Variants in EIF3L observed in about 807,000 individuals in gnomAD.
The protein encoded by EIF3L is eukaryotic translation initiation factor 3 subunit L, also known as eIEF associated protein HSPC021.
EIF3L carries 32 observed loss-of-function variants against 74.6 expected under a neutral mutation model. That is an observed-to-expected ratio of 0.43 (90% CI 0.32 to 0.58). The LOEUF (loss-of-function observed/expected upper bound fraction) is 0.58, where lower values mean the gene tolerates loss of function less well. Ranked by LOEUF, EIF3L falls within the 20% of genes least tolerant of loss-of-function variation. The pLI is 0.06. For synonymous variants in EIF3L, 256 were observed against 254.4 expected (o/e 1.01, Z -0.06); for missense variants, 474 against 707.8 (o/e 0.67, Z 3.75).
intron 11 of EIF3L, chr22:37,885,424 G>C (rs764477607): frequency 2.0e-5 from 3 of 149,942 alleles, no homozygotes; most frequent in Non-Finnish European, 4.4e-5. Context: ...TGCTGGTTCA[G>C]GTTTGTCTTT....
At chr22:37,859,374 CTT>C (rs34020382) in intron 5 of EIF3L, among the ~76,000 whole-genome samples, 19,804 of 78,264 alleles carry the variant, frequency 0.25, 1,939 homozygotes, top group East Asian at 0.51. Context: ...CGTGAAGTTT[CTT>C]TTTTTTTTTT....
rs1463765686 is a variant in EIF3L, at chr22:37,888,447, A to T, written c.1678A>T (p.Met560Leu). 1.2e-6 allele frequency: 2 copies of T among 1,613,834 alleles called. No homozygotes were observed. The highest frequency in any genetic ancestry group is 1.1e-5 in the South Asian group (1 of 91,046). The change falls in exon 13 of 13, where the codon ATG (methionine) becomes TTG (leucine). Residue 560 changes from methionine to leucine, a missense_variant. Met to Leu is a conservative substitution (Grantham distance 15). Transcript: ENST00000652021. ...FEELNRTLKK[M>L]GQRP ...CTAGCTTAATCGAACCCTGAAGAAG[A>T]TGGGACAGAGACCTTGATGATATTC... is the stretch of plus-strand genomic sequence containing the variant.
chr22:37,857,543 T>G (rs569154543), intron 4 of EIF3L, among the ~76,000 whole-genome samples: 2 of 152,042 alleles, frequency 1.3e-5, no homozygotes, highest in East Asian at 3.9e-4. Flanking sequence ...AACTCCTTTT[T>G]TTTTTCCCCC....
chr22:37,853,299 GGGA>G (rs1925328959), intron 3 of EIF3L, among the ~76,000 whole-genome samples: 1 of 152,234 alleles, frequency 6.6e-6, no homozygotes, highest in East Asian at 1.9e-4. Context: ...GAAGAAGAGA[GGGA>G]GGCAAGTTTG....
In EIF3L at chr22:37,849,627, C is replaced by G. The variant is rs1037690927; in HGVS notation, c.33+145C>G. Reference sequence around the variant, plus strand: ...CGGCCCTCAGGCTGCTCCCACAGTTCCCGGTCCCTAGACAACCCTGGCTCT... The same window carrying G: ...CGGCCCTCAGGCTGCTCCCACAGTTGCCGGTCCCTAGACAACCCTGGCTCT... On this transcript the variant is annotated intron_variant, in intron 1 of 12. Coordinates refer to ENST00000652021, the MANE Select transcript of EIF3L (RefSeq NM_016091.4). 5.4e-6 allele frequency: 5 copies of G among 917,722 alleles called. No homozygotes were observed. The African/African-American group carries it at 6.7e-5, about 12-fold the overall frequency. The allele number at this position is 917,722 out of a possible 1,614,324, so 56.8% of individuals were successfully genotyped here.
At chr22:37,854,063 G>A (rs915823350) in intron 3 of EIF3L, among the ~76,000 whole-genome samples, 1 of 152,216 alleles carries the variant, frequency 6.6e-6, no homozygotes, top group Non-Finnish European at 1.5e-5. Context: ...CAAGCATCTT[G>A]TAAGTCTTTC....
At chr22:37,860,454 A>G (rs1044291190) in intron 5 of EIF3L, among the ~76,000 whole-genome samples, 1 of 152,120 alleles carries the variant, frequency 6.6e-6, no homozygotes, top group Non-Finnish European at 1.5e-5. Context: ...TCCTGGGCTC[A>G]AGCAATTCTC....
At chr22:37,857,696 C>A (rs779100814) in intron 4 of EIF3L, among the ~76,000 whole-genome samples, 1 of 151,766 alleles carries the variant, frequency 6.6e-6, no homozygotes, top group African/African-American at 2.4e-5. Flanking sequence ...AGGCACCTGG[C>A]GGATTTTTTG....
chr22:37,873,938 C>A (rs949418341), intron 8 of EIF3L, among the ~76,000 whole-genome samples: 2 of 152,150 alleles, frequency 1.3e-5, no homozygotes, highest in Non-Finnish European at 2.9e-5. Context: ...GTGTCGTTGC[C>A]TGATTTATGC....
chr22:37,875,943 G>T lies in EIF3L; in HGVS notation c.1009G>T (p.Ala337Ser), dbSNP rs1453440089. The change falls in exon 10 of 13, where the codon GCC (alanine) becomes TCC (serine). Residue 337 changes from alanine (A) to serine (S), a missense_variant. Around this residue, in one of 4 missense-constraint regions of EIF3L, gnomAD observed 293 missense variants for 469.1 expected, o/e 0.62. Transcript: ENST00000652021. ...TTACCAGGATGCCATCCGGGTCTTC[G>T]CCAACATCCTCCTCTACATCCAGAG... Reference protein sequence around the residue: ...RRYQDAIRVFANILLYIQRTK... With the variant: ...RRYQDAIRVFSNILLYIQRTK... 1 of 1,613,846 alleles carries T rather than the reference G, an allele frequency of 6.2e-7. No homozygotes were observed. The highest frequency in any genetic ancestry group is 8.5e-7 in the Non-Finnish European group (1 of 1,179,998).
At position 37,875,843 on chromosome 22, in the gene EIF3L, T is replaced by C. The variant is rs573366590; in HGVS notation, c.909T>C (p.Ser303=). ...GTTTGTTCTACCTCCTTCTACAGAG[T>C]ATGTATTCCCGTGTGCCAGAGTGCC... ...VLENIELNKK[S]MYSRVPECQV... is the part of the protein sequence containing the mutation. Residue 303 remains serine (S), a splice_region_variant and synonymous_variant, in exon 10 of 13, where the codon AGT becomes AGC. Coordinates refer to ENST00000652021, the MANE Select transcript of EIF3L (RefSeq NM_016091.4). The C allele has an allele frequency of 1.2e-6, 2 of 1,612,804 alleles. No individual in the cohort carries two copies. Among genetic ancestry groups the C allele is most frequent in the Non-Finnish European group, 1.7e-6 (2 of 1,179,264 alleles).
Position 37,868,634 on chromosome 22 carries a change from C to CTTTTTTTTTT in EIF3L, c.580-1526_580-1517dup, listed in dbSNP as rs71195065. ...ACACCTGGCTATTTTTGTTTTGGTG[C>CTTTTTTTTTT]TTTTTTTTTTTTTTTTTTTTTTTTT... On this transcript the variant is annotated intron_variant, in intron 7 of 12. Transcript: ENST00000652021. 2.0e-4 allele frequency among the ~76,000 whole-genome samples: 5 copies of CTTTTTTTTTT among 25,132 alleles called. 1 individual carries two copies. Among genetic ancestry groups the CTTTTTTTTTT allele is most frequent in the African/African-American group, 7.1e-4 (5 of 7,008 alleles). The allele number at this position is 25,132 out of a possible 152,430, so 16.5% of individuals were successfully genotyped here. A position where few individuals can be genotyped will look rare whatever the true frequency, so the allele number is the denominator to read the frequency against.
intron 11 of EIF3L, chr22:37,879,125 G>A (rs1038767410): frequency 4.6e-5 from 7 of 152,090 alleles, no homozygotes; most frequent in Non-Finnish European, 1.0e-4. Flanking sequence ...TGTATTTTTA[G>A]TAGAGACAGG....
At chr22:37,863,192 A>T (rs1359566804) in intron 6 of EIF3L, 80 bp from the exon 7 acceptor site, 1 of 1,335,904 alleles carries the variant, frequency 7.5e-7, no homozygotes, top group Non-Finnish European at 1.1e-6. Flanking sequence ...TTTAAGAGAG[A>T]AATTACAAAG....
In EIF3L at chr22:37,874,465, C is replaced by T. The variant is rs778877421; in HGVS notation, c.847C>T (p.Leu283=). Residue 283 remains leucine, a synonymous_variant, in exon 9 of 13, where the codon CTG becomes TTG. Coordinates refer to ENST00000652021, the MANE Select transcript of EIF3L (RefSeq NM_016091.4). ...SLVGLLRLHS[L]LGDYYQAIKV... ...GGTCGGGCTTCTCCGCCTGCACTCC[C>T]TGTTAGGAGATTACTACCAGGCCAT... 1.7e-5 allele frequency: 28 copies of T among 1,614,054 alleles called. No individual in the cohort carries two copies. The highest frequency in any genetic ancestry group is 2.4e-5 in the Non-Finnish European group (28 of 1,180,020).
chr22:37,855,130 G>A (rs1464330845), intron 3 of EIF3L, among the ~76,000 whole-genome samples: 1 of 152,198 alleles, frequency 6.6e-6, no homozygotes. Context: ...ATAGGCAGCA[G>A]TGTTTAAATT....
In EIF3L at chr22:37,877,669, C is replaced by T. The variant is rs138160642; in HGVS notation, c.1078-5C>T. On this transcript the variant is annotated splice_region_variant and splice_polypyrimidine_tract_variant and intron_variant, in intron 10 of 12. Coordinates refer to ENST00000652021, the MANE Select transcript of EIF3L (RefSeq NM_016091.4). ...ACCCAGTACCACTCTCCACCCCATCCCCAGATTAACAAGCAGAATGAGCAG... is the reference window on the plus strand; with the variant it reads ...ACCCAGTACCACTCTCCACCCCATCTCCAGATTAACAAGCAGAATGAGCAG... The T allele has an allele frequency of 2.0e-4, 324 of 1,587,416 alleles. No homozygotes were observed. In the African/African-American group the frequency reaches 4.0e-3, roughly 19 times the overall value.
intron 5 of EIF3L, among the ~76,000 whole-genome samples, chr22:37,858,973 T>C (rs1250999573): frequency 2.0e-5 from 3 of 151,912 alleles, no homozygotes; most frequent in Non-Finnish European, 4.4e-5. Context: ...CCCACAATTC[T>C]CCTGGACTGG....
intron 11 of EIF3L, chr22:37,882,145 A>G (rs1458419267): frequency 6.6e-6 from 1 of 152,070 alleles, no homozygotes; most frequent in Admixed American, 6.5e-5. Context: ...TGTCTCTACT[A>G]AAAATATAAA....
Sources: allele counts gnomAD v4.1 joint callset (sites outside exome capture counted in the v4.1 genomes callset), GRCh38; gene constraint gnomAD v4.1.1; regional missense constraint gnomAD v4.1.1; transcripts MANE v1.5; gene names NCBI Gene and HGNC (gene_info 2026-07-23, HGNC 2026-07-21).